The following ANK2 variants were observed in gnomAD, a reference collection of about 807,000 sequenced individuals.
The protein encoded by ANK2 is ankyrin 2.
A neutral mutation model predicts 360.5 loss-of-function variants in ANK2; 83 were observed. The observed-to-expected ratio is 0.23, with a 90% CI of 0.19 to 0.28. The LOEUF (loss-of-function observed/expected upper bound fraction) is 0.28, where lower values mean the gene tolerates loss of function less well. Among genes scored for constraint, ANK2 ranks in the 10% least tolerant of loss-of-function variants. ANK2 has a pLI of 1.00. For synonymous variants in ANK2, 1,740 were observed against 1,759.5 expected (o/e 0.99, Z 0.28); for missense variants, 4,201 against 4,795.7 (o/e 0.88, Z 3.66).
At chr4:113,314,212 AT>A (rs1184255489) in intron 24 of ANK2, among the ~76,000 whole-genome samples, 1 of 152,228 alleles carries the variant, frequency 6.6e-6, no homozygotes, top group Non-Finnish European at 1.5e-5. Context: ...TGCTTTCCAA[AT>A]TCAATGTAAA....
At chr4:112,809,022 C>T in the ANK2 span, among the ~76,000 whole-genome samples, 1 of 151,736 alleles carries the variant, frequency 6.6e-6, no homozygotes, top group African/African-American at 2.4e-5. Flanking sequence ...CCACACCTGG[C>T]TAATTTTTTT....
intron 1 of ANK2, among the ~76,000 whole-genome samples, chr4:113,128,475 A>G (rs1418056873): frequency 2.6e-5 from 4 of 152,146 alleles, no homozygotes; most frequent in African/African-American, 7.2e-5. Context: ...AAAATATCAT[A>G]TGAACTCGTT....
At chr4:112,802,450 T>C in the ANK2 span, among the ~76,000 whole-genome samples, 2 of 152,206 alleles carry the variant, frequency 1.3e-5, no homozygotes, top group Admixed American at 6.5e-5. Context: ...TGCTTGCTCC[T>C]TCCCATTCAT....
At chr4:112,765,692 A>C in the ANK2 span, among the ~76,000 whole-genome samples, 1 of 135,062 alleles carries the variant, frequency 7.4e-6, no homozygotes, top group Non-Finnish European at 1.5e-5. Flanking sequence ...GACTTCTGAC[A>C]TGTCTTTTAG....
chr4:113,144,780 CT>C (rs1267531601), intron 1 of ANK2, among the ~76,000 whole-genome samples: 1 of 146,666 alleles, frequency 6.8e-6, no homozygotes, highest in African/African-American at 2.5e-5. Flanking sequence ...CTATATACTA[CT>C]TAAACTATAT....
chr4:112,774,608 C>T, the ANK2 span, among the ~76,000 whole-genome samples: 1 of 152,208 alleles, frequency 6.6e-6, no homozygotes, highest in African/African-American at 2.4e-5. Context: ...AGGTTTAAGA[C>T]ATTGCCATGG....
chr4:113,249,076 A>G (rs1314003372), intron 9 of ANK2, among the ~76,000 whole-genome samples: 1 of 152,338 alleles, frequency 6.6e-6, no homozygotes, highest in East Asian at 1.9e-4. Context: ...TTTATAAGTA[A>G]TATAGCATAC....
chr4:112,734,057 G>A, the ANK2 span, among the ~76,000 whole-genome samples: 1 of 152,214 alleles, frequency 6.6e-6, no homozygotes, highest in Non-Finnish European at 1.5e-5. Flanking sequence ...TTACAGGCGT[G>A]AGCCAACACA....
intron 1 of ANK2, among the ~76,000 whole-genome samples, chr4:113,061,192 A>T (rs993919503): frequency 6.6e-6 from 1 of 152,042 alleles, no homozygotes; most frequent in African/African-American, 2.4e-5. Context: ...CCCTGCCCCA[A>T]GTGGCTTCCA....
intron 1 of ANK2, among the ~76,000 whole-genome samples, chr4:113,086,239 A>G (rs960562699): frequency 6.6e-6 from 1 of 152,232 alleles, no homozygotes; most frequent in African/African-American, 2.4e-5. Context: ...TGTCTCAGAC[A>G]TTGATAAAAG....
At position 113,164,462 on chromosome 4, in the gene ANK2, C is replaced by T. The variant is rs571704890; in HGVS notation, c.85-9954C>T. Among the ~76,000 whole-genome samples, 211 of 152,184 alleles carry T rather than the reference C, an allele frequency of 1.4e-3. 2 individuals carry two copies. Among genetic ancestry groups the T allele is most frequent in the Non-Finnish European group, 2.0e-3 (134 of 68,018 alleles). ...CAATCCTGAATAATTTAATACTAAA[C>T]AAGCAATCTACTTTTTAGTGTGTGC... On this transcript the variant is annotated intron_variant, in intron 1 of 45. Coordinates refer to ENST00000357077, the MANE Select transcript of ANK2 (RefSeq NM_001148.6).
the ANK2 span, among the ~76,000 whole-genome samples, chr4:112,744,653 A>T: frequency 6.6e-6 from 1 of 152,176 alleles, no homozygotes; most frequent in Admixed American, 6.6e-5. Flanking sequence ...CCTGGCCAGG[A>T]TAAGATTTTA....
intron 2 of ANK2, among the ~76,000 whole-genome samples, chr4:112,984,572 G>A (rs1481535072): frequency 1.3e-5 from 2 of 152,146 alleles, no homozygotes; most frequent in African/African-American, 2.4e-5. Context: ...TTTGGGTGGG[G>A]ACACAGCCAA....
intron 1 of ANK2, among the ~76,000 whole-genome samples, chr4:113,087,083 C>A (rs373038770): frequency 6.6e-6 from 1 of 152,124 alleles, no homozygotes; most frequent in African/African-American, 2.4e-5. Context: ...TAAGGAACAA[C>A]AAATTGTGTT....
At chr4:113,247,943 T>C (rs1400777351) in intron 9 of ANK2, among the ~76,000 whole-genome samples, 1 of 152,234 alleles carries the variant, frequency 6.6e-6, no homozygotes, top group East Asian at 1.9e-4. Context: ...TTTATCAGGA[T>C]ACAAAAGTGT....
chr4:112,981,599 G>C (rs2043140269), intron 2 of ANK2, among the ~76,000 whole-genome samples: 1 of 152,190 alleles, frequency 6.6e-6, no homozygotes, highest in Non-Finnish European at 1.5e-5. Flanking sequence ...CTTTTAACAG[G>C]TGTAATAAAA....
intron 2 of ANK2, among the ~76,000 whole-genome samples, chr4:113,026,152 T>C (rs548749070): frequency 4.6e-5 from 7 of 152,292 alleles, no homozygotes; most frequent in Non-Finnish European, 7.4e-5. Flanking sequence ...GGACCTGCTA[T>C]GTGGAAAGCA....
At chr4:113,104,301 G>A (rs2093345124) in intron 1 of ANK2, among the ~76,000 whole-genome samples, 1 of 152,080 alleles carries the variant, frequency 6.6e-6, no homozygotes, top group Non-Finnish European at 1.5e-5. Flanking sequence ...AAAAAGAAAA[G>A]CAATTAGTTT....
intron 26 of ANK2, among the ~76,000 whole-genome samples, chr4:113,321,740 G>GA (rs909007203): frequency 9.3e-5 from 14 of 150,150 alleles, no homozygotes; most frequent in Admixed American, 2.7e-4. Flanking sequence ...AAAATGTAAG[G>GA]AAAAAAAAAG....
Sources: gnomAD v4.1 joint callset for allele counts (sites outside exome capture counted in the v4.1 genomes callset) on GRCh38, gnomAD v4.1.1 for gene constraint, MANE v1.5 for transcripts, NCBI Gene and HGNC (gene_info 2026-07-23, HGNC 2026-07-21) for gene names.